NEGR1: variants seen among roughly 807,000 people sequenced by gnomAD.
NEGR1 encodes neuronal growth regulator 1, also known as IgLON family member 4.
NEGR1 carries 10 observed loss-of-function variants against 40.9 expected under a neutral mutation model. That is an observed-to-expected ratio of 0.24 (90% CI 0.15 to 0.42). The LOEUF (loss-of-function observed/expected upper bound fraction) is 0.42. NEGR1 is among the 10% of genes least tolerant of loss of function. The pLI, the probability that NEGR1 is intolerant of heterozygous loss-of-function variation, is 1.00. For synonymous variants in NEGR1, 185 were observed against 166.8 expected, an observed-to-expected ratio of 1.11 and a Z score of -0.84; for missense variants, 352 against 438.9, an observed-to-expected ratio of 0.80 and a Z score of 1.77.
chr1:71,881,542 T>C (rs1441915157), intron 2 of NEGR1, among the ~76,000 whole-genome samples: 1 of 152,110 alleles, frequency 6.6e-6, no homozygotes, highest in Non-Finnish European at 1.5e-5. Context: ...ATACAGAGTA[T>C]TTAAGCCAAA....
At chr1:71,802,185 G>A (rs1402262033) in intron 2 of NEGR1, among the ~76,000 whole-genome samples, 1 of 151,942 alleles carries the variant, frequency 6.6e-6, no homozygotes, top group Admixed American at 6.6e-5. Context: ...TGAGAAAGGA[G>A]AGAAATAAAG....
intron 6 of NEGR1, among the ~76,000 whole-genome samples, chr1:71,582,601 C>G (rs1306754315): frequency 6.6e-6 from 1 of 152,068 alleles, no homozygotes; most frequent in Non-Finnish European, 1.5e-5. Flanking sequence ...AAGAGATTCT[C>G]TGGGGGAAAC....
intron 4 of NEGR1, among the ~76,000 whole-genome samples, chr1:71,693,022 C>T (rs1001681437): frequency 6.6e-6 from 1 of 151,594 alleles, no homozygotes; most frequent in African/African-American, 2.4e-5. Flanking sequence ...CTGGTTGGCT[C>T]TTTGTTTTTT....
At chr1:71,854,035 G>C (rs538458011) in intron 2 of NEGR1, among the ~76,000 whole-genome samples, 1 of 152,164 alleles carries the variant, frequency 6.6e-6, no homozygotes, top group African/African-American at 2.4e-5. Flanking sequence ...GTTTGTTGAG[G>C]ATTTGATTTT....
rs138620756 is a variant in NEGR1, at chr1:71,734,540, T to G, written c.536-36401A>C. Among the ~76,000 whole-genome samples, 65 of 152,306 alleles carry G rather than the reference T, an allele frequency of 4.3e-4. 2 individuals carry two copies. The East Asian group carries it at 7.3e-3, about 17-fold the overall frequency. On this transcript the variant is annotated intron_variant, in intron 3 of 6. Transcript: ENST00000357731. ...CCTTTCTTTCTCCTATGTTAATAAC[T>G]CTTCCACAATGGCTTATCCCTTTTT...
In NEGR1 at chr1:71,560,046, A is replaced by G. The variant is rs1570032285; in HGVS notation, c.940+32771T>C. 5.9e-5 allele frequency among the ~76,000 whole-genome samples: 9 copies of G among 151,406 alleles called. 1 individual carries two copies. In the South Asian group the frequency reaches 1.9e-3, roughly 31 times the overall value. On this transcript the variant is annotated intron_variant, in intron 6 of 6. Coordinates refer to ENST00000357731, the MANE Select transcript of NEGR1 (RefSeq NM_173808.3). ...TGAAGTCTAGTGCACATGATTGTCA[A>G]CTACACAGATATTTTACTAGTCACT...
At chr1:71,940,726 G>A (rs945432003) in intron 1 of NEGR1, among the ~76,000 whole-genome samples, 3 of 152,152 alleles carry the variant, frequency 2.0e-5, no homozygotes, top group Non-Finnish European at 4.4e-5. Flanking sequence ...AACAGAATAT[G>A]CCTGTGATAC....
At chr1:71,971,884 T>A (rs181721085) in intron 1 of NEGR1, among the ~76,000 whole-genome samples, 4 of 152,250 alleles carry the variant, frequency 2.6e-5, no homozygotes, top group African/African-American at 9.6e-5. Context: ...TTTCTCTGAA[T>A]GCAGTTTTCC....
intron 6 of NEGR1, among the ~76,000 whole-genome samples, chr1:71,566,008 C>G (rs142799520): frequency 6.6e-6 from 1 of 151,986 alleles, no homozygotes; most frequent in Middle Eastern, 3.4e-3. Flanking sequence ...TATGTTGCCA[C>G]GAGCCAAGGG....
At chr1:71,650,197 A>ACAAT (rs1259558011) in intron 4 of NEGR1, among the ~76,000 whole-genome samples, 1 of 152,128 alleles carries the variant, frequency 6.6e-6, no homozygotes, top group Non-Finnish European at 1.5e-5. Context: ...AAAATTCGAA[A>ACAAT]CGATTGAGTC....
intron 2 of NEGR1, among the ~76,000 whole-genome samples, chr1:71,851,746 A>C (rs1302092910): frequency 1.3e-5 from 2 of 152,172 alleles, no homozygotes; most frequent in African/African-American, 4.8e-5. Context: ...AATTCTATTT[A>C]CTTCTTTGTT....
In NEGR1 at chr1:71,442,486, C is replaced by T. The variant is rs138733733; in HGVS notation, c.941-34916G>A. On this transcript the variant is annotated intron_variant, in intron 6 of 6. Transcript: ENST00000357731. ...AAAATTAGCTGGGCGTGGCGGCATG[C>T]GCCTGTAATCCCAGCTTCTCAGGAG... Among the ~76,000 whole-genome samples, 348 of 152,064 alleles carry T rather than the reference C, an allele frequency of 2.3e-3. 1 individual carries two copies. The highest frequency in any genetic ancestry group is 7.7e-3 in the African/African-American group (320 of 41,492).
intron 6 of NEGR1, among the ~76,000 whole-genome samples, chr1:71,459,442 T>C (rs1309271131): frequency 1.3e-5 from 2 of 152,214 alleles, no homozygotes; most frequent in Non-Finnish European, 2.9e-5. Flanking sequence ...CTTAATAGAC[T>C]TTGAAGACTT....
intron 6 of NEGR1, among the ~76,000 whole-genome samples, chr1:71,446,210 TG>T (rs1244639054): frequency 6.6e-6 from 1 of 152,150 alleles, no homozygotes; most frequent in Non-Finnish European, 1.5e-5. Context: ...ACGAACTCAT[TG>T]GAAGTCACTT....
At chr1:71,880,395 T>A (rs1481724822) in intron 2 of NEGR1, among the ~76,000 whole-genome samples, 1 of 152,038 alleles carries the variant, frequency 6.6e-6, no homozygotes, top group Non-Finnish European at 1.5e-5. Context: ...AGACAAAATT[T>A]TGATGCCCCC....
chr1:72,045,867 C>A (rs371273871), intron 1 of NEGR1, among the ~76,000 whole-genome samples: 1 of 151,580 alleles, frequency 6.6e-6, no homozygotes, highest in Non-Finnish European at 1.5e-5. Flanking sequence ...ACAGAAATTT[C>A]GAAAGAATAT....
intron 1 of NEGR1, among the ~76,000 whole-genome samples, chr1:72,218,310 G>A (rs1653893109): frequency 6.6e-6 from 1 of 151,626 alleles, no homozygotes; most frequent in Admixed American, 6.6e-5. Context: ...GTTCCAACGA[G>A]GATTTTATAA....
In NEGR1 at chr1:71,450,821, A is replaced by AC. The variant is rs201747883; in HGVS notation, c.941-43252_941-43251insG. 9.0e-4 allele frequency among the ~76,000 whole-genome samples: 135 copies of AC among 149,266 alleles called. 1 individual carries two copies. In the East Asian group the frequency reaches 0.023, roughly 25 times the overall value. ...GAGACTCGGTCTCAGGGAAAAAAAG[A>AC]AAAAAAAAAGGAAAACAAGAAAATA... On this transcript the variant is annotated intron_variant, in intron 6 of 6. Coordinates refer to ENST00000357731, the MANE Select transcript of NEGR1 (RefSeq NM_173808.3).
In NEGR1 at chr1:71,947,089, T is replaced by TATACAC. The variant is rs758540794; in HGVS notation, c.177-11779_177-11778insGTGTAT. Among the ~76,000 whole-genome samples the TATACAC allele has an allele frequency of 3.9e-3, 506 of 129,140 alleles. 17 individuals are homozygous for TATACAC. In the East Asian group the frequency reaches 0.072, roughly 18 times the overall value. The allele number at this position is 129,140 out of a possible 152,430, so 84.7% of individuals were successfully genotyped here. ...GGCAACAGAGCCAGATCCTGTCTCA[T>TATACAC]ACACACACACACACACACACACACA... On this transcript the variant is annotated intron_variant, in intron 1 of 6. Coordinates refer to ENST00000357731, the MANE Select transcript of NEGR1 (RefSeq NM_173808.3).
Sources: allele counts gnomAD v4.1 joint callset (sites outside exome capture counted in the v4.1 genomes callset), GRCh38; gene constraint gnomAD v4.1.1; transcripts MANE v1.5; gene names NCBI Gene and HGNC (gene_info 2026-07-23, HGNC 2026-07-21).